ST6GALNAC3: variants seen among roughly 807,000 people sequenced by gnomAD.
The protein encoded by ST6GALNAC3 is alpha-N-acetylgalactosaminide alpha-2,6-sialyltransferase 3.
In ST6GALNAC3, 25 loss-of-function variants were observed where a neutral mutation model predicts 32.7. The ratio of observed to expected loss-of-function variants is 0.76; its 90% CI spans 0.56 to 1.07. The LOEUF (loss-of-function observed/expected upper bound fraction) is 1.07. ST6GALNAC3 is among the 50% of genes least tolerant of loss of function. The pLI is 0.00. For synonymous variants in ST6GALNAC3, 129 were observed against 133.1 expected (o/e 0.97, Z 0.21); for missense variants, 355 against 382.4 (o/e 0.93, Z 0.60).
At chr1:76,422,779 G>A (rs931547090) in intron 3 of ST6GALNAC3, among the ~76,000 whole-genome samples, 11 of 151,956 alleles carry the variant, frequency 7.2e-5, no homozygotes, top group African/African-American at 2.7e-4. Flanking sequence ...TTGAACATTT[G>A]GTCCTATAAT....
At chr1:76,489,717 G>T (rs1185377839) in intron 3 of ST6GALNAC3, among the ~76,000 whole-genome samples, 2 of 152,118 alleles carry the variant, frequency 1.3e-5, no homozygotes, top group Non-Finnish European at 2.9e-5. Context: ...TGCGTTCTCC[G>T]CCCTCTCCAT....
chr1:76,534,764 T>A (rs1411201102), intron 3 of ST6GALNAC3, among the ~76,000 whole-genome samples: 1 of 152,212 alleles, frequency 6.6e-6, no homozygotes, highest in Non-Finnish European at 1.5e-5. Context: ...ATCTCCAGTG[T>A]CTAAATTGTA....
intron 3 of ST6GALNAC3, among the ~76,000 whole-genome samples, chr1:76,485,027 T>C (rs1347770211): frequency 6.6e-6 from 1 of 152,212 alleles, no homozygotes; most frequent in Non-Finnish European, 1.5e-5. Flanking sequence ...ATTACGTTTA[T>C]TGATTTGCAT....
At chr1:76,251,717 C>G (rs987758922) in intron 1 of ST6GALNAC3, among the ~76,000 whole-genome samples, 2 of 152,096 alleles carry the variant, frequency 1.3e-5, no homozygotes, top group Non-Finnish European at 2.9e-5. Flanking sequence ...AAATTTTTCT[C>G]TTGCTCCAAT....
intron 2 of ST6GALNAC3, among the ~76,000 whole-genome samples, chr1:76,404,742 CT>C (rs1557859037): frequency 6.6e-6 from 1 of 151,992 alleles, no homozygotes; most frequent in Admixed American, 6.6e-5. Context: ...AAGCAAAGAT[CT>C]TTTTTGTTTC....
At chr1:76,296,901 A>G (rs1660435847) in intron 1 of ST6GALNAC3, among the ~76,000 whole-genome samples, 1 of 152,040 alleles carries the variant, frequency 6.6e-6, no homozygotes. Context: ...TTGCCCCATA[A>G]ATGTGTGTTG....
intron 2 of ST6GALNAC3, among the ~76,000 whole-genome samples, chr1:76,382,840 A>G (rs1651816425): frequency 6.6e-6 from 1 of 152,224 alleles, no homozygotes; most frequent in South Asian, 2.1e-4. Context: ...GGCAGAAGTA[A>G]CATTTGAATC....
intron 1 of ST6GALNAC3, among the ~76,000 whole-genome samples, chr1:76,211,771 A>T (rs1655178227): frequency 6.9e-6 from 1 of 144,984 alleles, no homozygotes; most frequent in Non-Finnish European, 1.5e-5. Flanking sequence ...AACATCACAC[A>T]CCGGGGCCTG....
At chr1:76,312,442 A>G (rs1355244460) in intron 1 of ST6GALNAC3, among the ~76,000 whole-genome samples, 1 of 152,198 alleles carries the variant, frequency 6.6e-6, no homozygotes, top group African/African-American at 2.4e-5. Flanking sequence ...ATTAAACTAA[A>G]GAGCTTCTGC....
chr1:76,280,106 T>A (rs1659414420), intron 1 of ST6GALNAC3, among the ~76,000 whole-genome samples: 1 of 152,150 alleles, frequency 6.6e-6, no homozygotes, highest in African/African-American at 2.4e-5. Flanking sequence ...TCTCTCTTGC[T>A]TCTTTCTCTG....
chr1:76,272,220 G>A (rs894566915), intron 1 of ST6GALNAC3, among the ~76,000 whole-genome samples: 1 of 151,150 alleles, frequency 6.6e-6, no homozygotes, highest in Non-Finnish European at 1.5e-5. Context: ...CAGCTACTTC[G>A]GAGGCTGAGG....
chr1:76,399,336 C>A (rs978772904), intron 2 of ST6GALNAC3, among the ~76,000 whole-genome samples: 1 of 152,136 alleles, frequency 6.6e-6, no homozygotes, highest in Admixed American at 6.5e-5. Context: ...GTTTTCAATT[C>A]ACCTAGAACT....
intron 1 of ST6GALNAC3, among the ~76,000 whole-genome samples, chr1:76,266,679 A>T (rs17098502): frequency 0.041 from 6,202 of 152,258 alleles, 246 homozygotes; most frequent in African/African-American, 0.1. Flanking sequence ...TACCTGCTCC[A>T]TCTTGATTTT....
At position 76,630,722 on chromosome 1, in the gene ST6GALNAC3, C is replaced by G. The variant is rs1485148892; in HGVS notation, c.*1916C>G. 1.0e-6 allele frequency: 1 copy of G among 985,518 alleles called. No individual in the cohort carries two copies. Among genetic ancestry groups the G allele is most frequent in the African/African-American group, 1.7e-5 (1 of 57,184 alleles). The allele number at this position is 985,518 out of a possible 1,614,324, so 61.0% of individuals were successfully genotyped here. A position where few individuals can be genotyped will look rare whatever the true frequency, so the allele number is the denominator to read the frequency against. ...ATTTTGACACCTCAATATTCACACCCATAAACATTACTAAGCCCCAGTTCT... is the reference window on the plus strand; with the variant it reads ...ATTTTGACACCTCAATATTCACACCGATAAACATTACTAAGCCCCAGTTCT... On this transcript the variant is annotated 3_prime_UTR_variant, in exon 5 of 5. Coordinates refer to ENST00000328299, the MANE Select transcript of ST6GALNAC3 (RefSeq NM_152996.4).
chr1:76,260,928 A>T (rs1426189685), intron 1 of ST6GALNAC3, among the ~76,000 whole-genome samples: 2 of 151,916 alleles, frequency 1.3e-5, no homozygotes, highest in African/African-American at 4.8e-5. Flanking sequence ...TCTAATTGAC[A>T]AGTAAAAATT....
At chr1:76,115,488 C>T (rs1210661326) in intron 1 of ST6GALNAC3, among the ~76,000 whole-genome samples, 3 of 152,176 alleles carry the variant, frequency 2.0e-5, no homozygotes, top group Non-Finnish European at 4.4e-5. Context: ...AGCTGTGGGT[C>T]TTAAGCAATG....
chr1:76,400,691 A>T (rs1653342663), intron 2 of ST6GALNAC3, among the ~76,000 whole-genome samples: 1 of 151,996 alleles, frequency 6.6e-6, no homozygotes, highest in African/African-American at 2.4e-5. Context: ...GTTTGAGACC[A>T]GCCTGGCCAA....
intron 3 of ST6GALNAC3, among the ~76,000 whole-genome samples, chr1:76,525,502 G>C (rs183302031): frequency 3.3e-5 from 5 of 151,600 alleles, no homozygotes; most frequent in Admixed American, 3.3e-4. Flanking sequence ...GAAGTGAATC[G>C]ATGATATAGA....
chr1:76,126,419 C>A (rs1022018964), intron 1 of ST6GALNAC3, among the ~76,000 whole-genome samples: 1 of 148,404 alleles, frequency 6.7e-6, no homozygotes, highest in African/African-American at 2.5e-5. Flanking sequence ...TCCCTCCCTC[C>A]TGCCTTTCCT....
Sources: allele counts gnomAD v4.1 joint callset (sites outside exome capture counted in the v4.1 genomes callset), GRCh38; gene constraint gnomAD v4.1.1; transcripts MANE v1.5; gene names NCBI Gene and HGNC (gene_info 2026-07-23, HGNC 2026-07-21).